Variants in SEC22A observed in about 807,000 individuals in gnomAD.
SEC22A encodes the protein SEC22 homolog A, vesicle trafficking protein.
Under a neutral mutation model 35.3 loss-of-function variants are expected in SEC22A, and 22 were observed. That is an observed-to-expected ratio of 0.62 (90% CI 0.45 to 0.89). SEC22A has a LOEUF of 0.89. Ranked by LOEUF, SEC22A falls within the 40% of genes least tolerant of loss-of-function variation. SEC22A has a pLI of 0.00. For missense variants in SEC22A, 354 were observed against 362.5 expected, an observed-to-expected ratio of 0.98 and a Z score of 0.19; for synonymous variants, 119 against 129.5, an observed-to-expected ratio of 0.92 and a Z score of 0.55.
chr3:123,250,673 G>A (rs1356872867), intron 5 of SEC22A, among the ~76,000 whole-genome samples: 1 of 152,120 alleles, frequency 6.6e-6, no homozygotes, highest in Non-Finnish European at 1.5e-5. Context: ...ATGTTTCAAG[G>A]TTACATGTAC....
chr3:123,213,965 C>G (rs1238134214), intron 2 of SEC22A, among the ~76,000 whole-genome samples: 1 of 152,062 alleles, frequency 6.6e-6, no homozygotes, highest in South Asian at 2.1e-4. Flanking sequence ...TGGCAGATCA[C>G]CTGAGGTCAG....
rs921558079 is a variant in SEC22A, at chr3:123,272,373, A to G, written c.*651A>G. 3 of 152,148 alleles carry G rather than the reference A, an allele frequency of 2.0e-5. No homozygotes were observed. Among genetic ancestry groups the G allele is most frequent in the African/African-American group, 7.2e-5 (3 of 41,452 alleles). The allele number at this position is 152,148 out of a possible 1,614,324, so 9.4% of individuals were successfully genotyped here. A position where few individuals can be genotyped will look rare whatever the true frequency, so the allele number is the denominator to read the frequency against. On this transcript the variant is annotated 3_prime_UTR_variant, in exon 7 of 7. Transcript: ENST00000492595. ...AATGGATGTTTCCTTTCTAATCCAC[A>G]TTTATTGTTTCTTTTGAAATCACGT...
intron 5 of SEC22A, among the ~76,000 whole-genome samples, chr3:123,257,879 C>G (rs562536735): frequency 6.6e-6 from 1 of 151,404 alleles, no homozygotes; most frequent in Non-Finnish European, 1.5e-5. Flanking sequence ...GTAGTCCCAA[C>G]TATTCTGAAG....
At chr3:123,210,067 A>T (rs1457101969) in intron 2 of SEC22A, among the ~76,000 whole-genome samples, 1 of 152,216 alleles carries the variant, frequency 6.6e-6, no homozygotes. Context: ...GAATGGGGCA[A>T]GTTATGTAGT....
chr3:123,238,324 G>A (rs1292766112), intron 4 of SEC22A, among the ~76,000 whole-genome samples: 3 of 151,938 alleles, frequency 2.0e-5, no homozygotes, highest in East Asian at 1.9e-4. Context: ...TCAGCCTCCC[G>A]AGTAGTTGGG....
intron 4 of SEC22A, among the ~76,000 whole-genome samples, chr3:123,237,325 C>T (rs1937440501): frequency 6.8e-6 from 1 of 146,324 alleles, no homozygotes; most frequent in Admixed American, 6.8e-5. Flanking sequence ...AAATGTGTTA[C>T]CAAATTAGTA....
rs1576509026 is a variant in SEC22A, at chr3:123,273,202, A to T, written c.*1480A>T. 3 of 152,232 alleles carry T rather than the reference A, an allele frequency of 2.0e-5. No individual in the cohort carries two copies. In the East Asian group the frequency reaches 5.8e-4, roughly 29 times the overall value. 9.4% of individuals were successfully genotyped at this position (152,232 alleles called of 1,614,324 possible). ...TTATTAAGTAGAGAAATAGAGGGTA[A>T]AAAGTTAGTGAACTGTCTTGTTTGC... On this transcript the variant is annotated 3_prime_UTR_variant, in exon 7 of 7. Transcript: ENST00000492595.
chr3:123,251,188 G>A (rs942271574), intron 5 of SEC22A, among the ~76,000 whole-genome samples: 4 of 152,176 alleles, frequency 2.6e-5, no homozygotes, highest in Non-Finnish European at 5.9e-5. Context: ...AACTTAAAGA[G>A]ATTTTTTTGT....
At chr3:123,265,848 A>G (rs182920314) in intron 6 of SEC22A, among the ~76,000 whole-genome samples, 3 of 152,126 alleles carry the variant, frequency 2.0e-5, no homozygotes, top group African/African-American at 4.8e-5. Context: ...AATCAGCTGG[A>G]CATACTTGTG....
chr3:123,230,699 CAAAAAAAAA>C (rs376679473), intron 4 of SEC22A, among the ~76,000 whole-genome samples: 1 of 47,426 alleles, frequency 2.1e-5, no homozygotes, highest in South Asian at 7.5e-4. Flanking sequence ...TCACTTCATG[CAAAAAAAAA>C]AAAAAAAAAA....
chr3:123,229,440 A>G (rs1416381424), intron 4 of SEC22A, among the ~76,000 whole-genome samples: 1 of 152,250 alleles, frequency 6.6e-6, no homozygotes, highest in Non-Finnish European at 1.5e-5. Flanking sequence ...AATAAAAACT[A>G]CCAGTAACCA....
At chr3:123,242,616 A>G (rs564099465) in intron 4 of SEC22A, among the ~76,000 whole-genome samples, 1 of 151,636 alleles carries the variant, frequency 6.6e-6, no homozygotes, top group Non-Finnish European at 1.5e-5. Flanking sequence ...TTTTGCAGTG[A>G]CTCTCCCACA....
At chr3:123,218,901 AATC>A (rs1289273896) in intron 2 of SEC22A, among the ~76,000 whole-genome samples, 1 of 152,210 alleles carries the variant, frequency 6.6e-6, no homozygotes, top group Non-Finnish European at 1.5e-5. Context: ...GCAATACAGA[AATC>A]ATCCCTGCTC....
chr3:123,221,381 G>A (rs539150909), intron 2 of SEC22A, among the ~76,000 whole-genome samples: 1 of 143,294 alleles, frequency 7.0e-6, no homozygotes, highest in South Asian at 2.3e-4. Flanking sequence ...TGAGACAGGA[G>A]AATCGCTTGA....
chr3:123,214,537 A>G (rs1936990062), intron 2 of SEC22A, among the ~76,000 whole-genome samples: 1 of 152,230 alleles, frequency 6.6e-6, no homozygotes, highest in South Asian at 2.1e-4. Flanking sequence ...TTCTCTCTAT[A>G]TAAAATTTTA....
chr3:123,261,550 C>G (rs1337165142), intron 6 of SEC22A, among the ~76,000 whole-genome samples: 2 of 150,100 alleles, frequency 1.3e-5, no homozygotes, highest in Non-Finnish European at 3.0e-5. Flanking sequence ...TACACATGAT[C>G]TCATTTGATT....
At chr3:123,212,278 G>C (rs1936950395) in intron 2 of SEC22A, among the ~76,000 whole-genome samples, 1 of 152,134 alleles carries the variant, frequency 6.6e-6, no homozygotes. Flanking sequence ...TGGGGTTTCT[G>C]AGGGTTTAAT....
At chr3:123,245,734 C>G (rs1212093814) in intron 4 of SEC22A, among the ~76,000 whole-genome samples, 165 bp from the exon 5 acceptor site, 5 of 152,000 alleles carry the variant, frequency 3.3e-5, no homozygotes, top group African/African-American at 1.2e-4. Flanking sequence ...TGTTGTCAAG[C>G]ATTTTTCATT....
intron 4 of SEC22A, among the ~76,000 whole-genome samples, chr3:123,242,026 G>C (rs1937528599): frequency 6.6e-6 from 1 of 151,856 alleles, no homozygotes; most frequent in Admixed American, 6.6e-5. Context: ...TTTAAGGTCA[G>C]ATTTTTTTTG....
Sources: gnomAD v4.1 joint callset for allele counts (sites outside exome capture counted in the v4.1 genomes callset) on GRCh38, gnomAD v4.1.1 for gene constraint, MANE v1.5 for transcripts, NCBI Gene and HGNC (gene_info 2026-07-23, HGNC 2026-07-21) for gene names.